The following CDC45 variants were observed in gnomAD, a reference collection of about 807,000 sequenced individuals.
CDC45 encodes the protein cell division cycle 45, also known as cell division control protein 45 homolog.
In CDC45, 54 loss-of-function variants were observed where a neutral mutation model predicts 77.8. The observed-to-expected ratio is 0.69, with a 90% confidence interval of 0.56 to 0.87. The LOEUF is 0.87. CDC45 is among the 40% of genes least tolerant of loss of function. The probability of loss-of-function intolerance (pLI) is 0.00; values close to 1 mark genes in which losing one functional copy is unlikely to be tolerated. For synonymous variants in CDC45, 260 were observed against 272.1 expected (o/e 0.96, Z 0.44); for missense variants, 649 against 721.6 (o/e 0.90, Z 1.15).
At chr22:19,493,239 GTTGTTTTGTTTTGTT>G (rs60107800) in intron 5 of CDC45, among the ~76,000 whole-genome samples, 1 of 146,798 alleles carries the variant, frequency 6.8e-6, no homozygotes, top group Non-Finnish European at 1.5e-5. Flanking sequence ...TTTTTTTTTT[GTTGTTTTGTTTTGTT>G]TTGTTTTGTT....
intron 17 of CDC45, 50 bp downstream of exon 17, chr22:19,516,943 G>A (rs917875927): frequency 6.7e-7 from 1 of 1,496,194 alleles, no homozygotes; most frequent in African/African-American, 1.4e-5. Context: ...ACCCTTTGAG[G>A]CTATTGCAGG....
chr22:19,514,539 G>A (rs879285985), intron 13 of CDC45, among the ~76,000 whole-genome samples: 4 of 152,020 alleles, frequency 2.6e-5, no homozygotes, highest in Non-Finnish European at 5.9e-5. Flanking sequence ...ACTTGCACCC[G>A]CTCCACCTCT....
At position 19,494,171 on chromosome 22, in the gene CDC45, C is replaced by T. The variant is rs1040749396; in HGVS notation, c.487-156C>T. On this transcript the variant is annotated intron_variant, in intron 5 of 18. Transcript: ENST00000263201. ...ATCCCTTGCCTCCATGCCTCTCTTC[C>T]GTAGGAACAGGCTGTGCTCGGGGCA... Among the ~76,000 whole-genome samples, 10 of 152,260 alleles carry T rather than the reference C, an allele frequency of 6.6e-5. 1 individual carries two copies. The highest frequency in any genetic ancestry group is 1.3e-4 in the Admixed American group (2 of 15,296).
In CDC45 at chr22:19,505,425, C is replaced by T. The variant is rs201188510; in HGVS notation, c.768C>T (p.Asn256=). The change falls in exon 10 of 19, where the codon AAC becomes AAT. Residue 256 remains asparagine, a synonymous_variant. Transcript: ENST00000263201. Reference sequence around the variant, plus strand: ...ACGTTTCCCGCCACAACCACCGGAACGAGGATGAGGAGAACACACTCTCCG... The same window carrying T: ...ACGTTTCCCGCCACAACCACCGGAATGAGGATGAGGAGAACACACTCTCCG... ...QRHVSRHNHR[N]EDEENTLSVD... is the part of the protein sequence containing the mutation. 158 of 1,613,994 alleles carry T rather than the reference C, an allele frequency of 9.8e-5. 2 individuals carry two copies. The East Asian group carries it at 1.9e-3, about 20-fold the overall frequency.
At position 19,516,440 on chromosome 22, in the gene CDC45, A is replaced by G. The variant is rs538076508; in HGVS notation, c.1441-87A>G. 3.5e-5 allele frequency: 38 copies of G among 1,075,964 alleles called. No individual in the cohort carries two copies. The African/African-American group carries it at 5.9e-4, about 17-fold the overall frequency. 66.7% of individuals were successfully genotyped at this position (1,075,964 alleles called of 1,614,324 possible). ...CGTCCCTGGAGGCTTTGGGGAGTGG[A>G]GTGACTGGGCGCTGTTGGGCTCTGG... is the stretch of plus-strand genomic sequence containing the variant. On this transcript the variant is annotated intron_variant, in intron 15 of 18. Transcript: ENST00000263201.
At position 19,520,428 on chromosome 22, in the gene CDC45, C is replaced by T. The variant is rs973392394; in HGVS notation, c.*2-53C>T. 5.3e-5 allele frequency: 8 copies of T among 152,188 alleles called. No homozygotes were observed. The highest frequency in any genetic ancestry group is 1.3e-4 in the Admixed American group (2 of 15,288). 9.4% of individuals were successfully genotyped at this position (152,188 alleles called of 1,614,324 possible). A position where few individuals can be genotyped will look rare whatever the true frequency, so the allele number is the denominator to read the frequency against. ...GGACGCCTGGGCAGTTTCTTCAATT[C>T]GGTGGCACATCAACATCGTTTGAAA... On this transcript the variant is annotated intron_variant, in intron 18 of 18. Transcript: ENST00000263201. This position sits in a 1 kb window ranked among gnomAD's most constrained non-coding sequence, Gnocchi z 4.5.
chr22:19,513,424 G>A (rs2146434642), intron 13 of CDC45, among the ~76,000 whole-genome samples: 1 of 152,270 alleles, frequency 6.6e-6, no homozygotes, highest in African/African-American at 2.4e-5. Context: ...ATCTGGCACG[G>A]CTCTTTGTTT....
In CDC45 at chr22:19,512,698, T is replaced by G. The variant is rs901918815; in HGVS notation, c.1218-2051T>G. On this transcript the variant is annotated intron_variant, in intron 13 of 18. Transcript: ENST00000263201. ...CAGTTTTGCCACTATTTTTAACTTC[T>G]TTGTAACTTTAACATATTTATGTCT... Among the ~76,000 whole-genome samples the G allele has an allele frequency of 2.6e-5, 4 of 152,238 alleles. No homozygotes were observed. The South Asian group carries it at 6.2e-4, about 24-fold the overall frequency.
chr22:19,513,722 G>T (rs1030569048), intron 13 of CDC45, among the ~76,000 whole-genome samples: 8 of 152,110 alleles, frequency 5.3e-5, no homozygotes, highest in Non-Finnish European at 1.0e-4. Context: ...TCAAAGAAAG[G>T]GCGCATGTGA....
At chr22:19,494,546 G>C (rs1331903368) in intron 6 of CDC45, 164 bp downstream of exon 6, 1 of 1,550,744 alleles carries the variant, frequency 6.4e-7, no homozygotes, top group Non-Finnish European at 8.7e-7. Flanking sequence ...CATTGGAGAA[G>C]AGCTCCAGGT....
chr22:19,479,991 A>G lies in CDC45; in HGVS notation c.23A>G (p.Lys8Arg), dbSNP rs751141981. Residue 8 changes from lysine to arginine, a missense_variant, in exon 1 of 19, where the codon AAA becomes AGA. Physicochemically the swap from Lys to Arg is conservative, Grantham distance 26. Coordinates refer to ENST00000263201, the MANE Select transcript of CDC45 (RefSeq NM_003504.5). ...GCTATGTTCGTGTCCGATTTCCGCAAAGAGTTCTACGAGGTGGTCCAGAGC... is the reference window on the plus strand; with the variant it reads ...GCTATGTTCGTGTCCGATTTCCGCAGAGAGTTCTACGAGGTGGTCCAGAGC... MFVSDFR[K>R]EFYEVVQSQR... The G allele has an allele frequency of 6.2e-7, 1 of 1,613,822 alleles. No homozygotes were observed. The highest frequency in any genetic ancestry group is 1.1e-5 in the South Asian group (1 of 91,082).
At chr22:19,481,261 C>T (rs1410371742) in intron 3 of CDC45, among the ~76,000 whole-genome samples, 1 of 152,096 alleles carries the variant, frequency 6.6e-6, no homozygotes, top group Non-Finnish European at 1.5e-5. Context: ...TGTGGATAGC[C>T]CCAACTTTGA....
intron 5 of CDC45, among the ~76,000 whole-genome samples, chr22:19,486,632 A>G (rs934952000): frequency 1.3e-5 from 2 of 152,222 alleles, no homozygotes; most frequent in African/African-American, 2.4e-5. Context: ...AATACTTTTT[A>G]TATAATTAAA....
rs34362795 is a variant in CDC45 at position 19,511,918 on chromosome 22, GTTT to G, written c.1218-2813_1218-2811del. ...ACATTAGGAGTATGATTCACTGGAGGTTTTTTTTTTTTTTTTTTTTGAGACAGG... is the reference window on the plus strand; with the variant it reads ...ACATTAGGAGTATGATTCACTGGAGGTTTTTTTTTTTTTTTTTGAGACAGG... On this transcript the variant is annotated intron_variant, in intron 13 of 18. Coordinates refer to ENST00000263201, the MANE Select transcript of CDC45 (RefSeq NM_003504.5). Among the ~76,000 whole-genome samples, 70 of 108,694 alleles carry G rather than the reference GTTT, an allele frequency of 6.4e-4. 1 individual carries two copies. The highest frequency in any genetic ancestry group is 3.9e-3 in the South Asian group (12 of 3,100). The allele number at this position is 108,694 out of a possible 152,430, so 71.3% of individuals were successfully genotyped here.
intron 5 of CDC45, among the ~76,000 whole-genome samples, chr22:19,489,195 A>C (rs2090118585): frequency 6.6e-6 from 1 of 152,188 alleles, no homozygotes; most frequent in Admixed American, 6.5e-5. Context: ...CTCCTTTCTA[A>C]ATTTATAAAT....
chr22:19,518,997 G>A lies in CDC45; in HGVS notation c.*1+88G>A. 3 of 1,007,182 alleles carry A rather than the reference G, an allele frequency of 3.0e-6. No individual in the cohort carries two copies. The East Asian group carries it at 7.1e-5, about 24-fold the overall frequency. 62.4% of individuals were successfully genotyped at this position (1,007,182 alleles called of 1,614,324 possible). ...CCTGCTCTGTCCTCCCTCAACGGAGGCTTCTACTTGGGTTTCAGACCGAAG... is the reference window on the plus strand; with the variant it reads ...CCTGCTCTGTCCTCCCTCAACGGAGACTTCTACTTGGGTTTCAGACCGAAG... On this transcript the variant is annotated intron_variant, in intron 18 of 18. Transcript: ENST00000263201.
intron 13 of CDC45, 129 bp from the exon 14 acceptor site, chr22:19,514,620 G>A (rs1010687476): frequency 2.8e-5 from 20 of 715,618 alleles, no homozygotes; most frequent in Non-Finnish European, 4.4e-5. Context: ...ACTCAGGAGG[G>A]AAAGAAGATA....
chr22:19,517,035 G>A (rs1205328129), intron 17 of CDC45, 142 bp downstream of exon 17: 7 of 691,236 alleles, frequency 1.0e-5, no homozygotes, highest in South Asian at 1.8e-5. Context: ...CCTGGGACAG[G>A]CTACTCCTGG....
intron 12 of CDC45, among the ~76,000 whole-genome samples, 178 bp from the exon 13 acceptor site, chr22:19,508,352 C>G (rs1413504040): frequency 1.3e-5 from 2 of 152,234 alleles, no homozygotes; most frequent in Non-Finnish European, 2.9e-5. Context: ...CCCGGCCACT[C>G]TGGGCTGCAG....
Sources: allele counts gnomAD v4.1 joint callset (sites outside exome capture counted in the v4.1 genomes callset), GRCh38; gene constraint gnomAD v4.1.1; non-coding constraint Gnocchi (gnomAD v3.1); transcripts MANE v1.5; gene names NCBI Gene and HGNC (gene_info 2026-07-23, HGNC 2026-07-21).